Variants in WWOX observed in about 807,000 individuals in gnomAD.
WWOX encodes WW domain-containing oxidoreductase.
A neutral mutation model predicts 46.2 loss-of-function variants in WWOX; 69 were observed. The ratio of observed to expected loss-of-function variants is 1.49; its 90% CI spans 1.23 to 1.82. WWOX has a LOEUF of 1.82. WWOX is among the 40% of genes most tolerant of loss of function. The pLI, the probability that WWOX is intolerant of heterozygous loss-of-function variation, is 0.00. For synonymous variants in WWOX, 359 were observed against 202.6 expected (o/e 1.77, Z -6.56); for missense variants, 919 against 542.6 (o/e 1.69, Z -6.89).
At chr16:78,438,891 T>C (rs1283238719) in intron 8 of WWOX, among the ~76,000 whole-genome samples, 2 of 152,136 alleles carry the variant, frequency 1.3e-5, no homozygotes, top group East Asian at 3.9e-4. Context: ...ATGTCATTCT[T>C]CTAACCTTCG....
chr16:78,192,066 G>A (rs930818521), intron 5 of WWOX, among the ~76,000 whole-genome samples: 2 of 151,624 alleles, frequency 1.3e-5, no homozygotes, highest in Admixed American at 6.6e-5. Context: ...TATAAAAGAG[G>A]GACAAAAATA....
chr16:78,702,666 CA>C (rs59090960), intron 8 of WWOX, among the ~76,000 whole-genome samples: 109 of 134,372 alleles, frequency 8.1e-4, no homozygotes, highest in East Asian at 8.7e-4. Flanking sequence ...AAAAAAAGAA[CA>C]AAAAAAAAAA....
At chr16:78,354,109 G>C (rs1338377641) in intron 5 of WWOX, among the ~76,000 whole-genome samples, 1 of 152,166 alleles carries the variant, frequency 6.6e-6, no homozygotes, top group African/African-American at 2.4e-5. Flanking sequence ...GTTTGCAGTA[G>C]TTCCAGTGGG....
intron 8 of WWOX, among the ~76,000 whole-genome samples, chr16:78,594,293 C>G (rs947762785): frequency 6.6e-6 from 1 of 152,078 alleles, no homozygotes; most frequent in Non-Finnish European, 1.5e-5. Flanking sequence ...CCTGACATTT[C>G]CGTAGACTGT....
At chr16:78,853,635 G>T (rs1001857965) in intron 8 of WWOX, among the ~76,000 whole-genome samples, 1 of 151,994 alleles carries the variant, frequency 6.6e-6, no homozygotes, top group African/African-American at 2.4e-5. Flanking sequence ...GTAGTACTTC[G>T]CCTTTCCCTG....
intron 8 of WWOX, among the ~76,000 whole-genome samples, chr16:79,151,824 G>C (rs922473535): frequency 1.3e-5 from 2 of 152,208 alleles, no homozygotes; most frequent in African/African-American, 2.4e-5. Context: ...TCCAGCCCCA[G>C]TGTTGAAGTT....
intron 6 of WWOX, among the ~76,000 whole-genome samples, chr16:78,412,091 G>T (rs1450071449): frequency 1.3e-5 from 2 of 152,154 alleles, no homozygotes; most frequent in Admixed American, 6.5e-5. Flanking sequence ...TCCAGAGGTA[G>T]TGCCTACCTC....
intron 8 of WWOX, among the ~76,000 whole-genome samples, chr16:78,690,006 G>T (rs1287747475): frequency 6.6e-6 from 1 of 151,924 alleles, no homozygotes; most frequent in South Asian, 2.1e-4. Flanking sequence ...GATTACAGGT[G>T]CCCGCCCCCA....
chr16:78,806,259 C>A (rs924972055), intron 8 of WWOX, among the ~76,000 whole-genome samples: 7 of 152,062 alleles, frequency 4.6e-5, no homozygotes, highest in African/African-American at 1.4e-4. Flanking sequence ...ATTTTCTGGC[C>A]ATTTGGATAT....
At chr16:78,278,768 C>A in intron 5 of WWOX, 2 of 1,014,766 alleles carry the variant, frequency 2.0e-6, no homozygotes, top group Middle Eastern at 2.6e-4. Flanking sequence ...ATCTGACAGA[C>A]ATGTACGATT....
intron 8 of WWOX, among the ~76,000 whole-genome samples, chr16:79,039,416 C>T (rs1396514120): frequency 6.6e-6 from 1 of 152,138 alleles, no homozygotes; most frequent in African/African-American, 2.4e-5. Flanking sequence ...ACAGAACAGC[C>T]AAGCCCTGGA....
chr16:79,210,868 A>G (rs1267433698), intron 8 of WWOX, among the ~76,000 whole-genome samples: 1 of 152,070 alleles, frequency 6.6e-6, no homozygotes, highest in African/African-American at 2.4e-5. Context: ...GATCAGCTGC[A>G]CTCTTTGCAA....
At chr16:79,185,073 T>C (rs1444404808) in intron 8 of WWOX, among the ~76,000 whole-genome samples, 1 of 152,208 alleles carries the variant, frequency 6.6e-6, no homozygotes, top group Non-Finnish European at 1.5e-5. Context: ...ATTTGAGAGG[T>C]CTTGAGATAA....
intron 8 of WWOX, among the ~76,000 whole-genome samples, chr16:78,848,575 C>A (rs2052359810): frequency 6.6e-6 from 1 of 152,094 alleles, no homozygotes; most frequent in Admixed American, 6.5e-5. Flanking sequence ...GGAACCTGGC[C>A]TGGTGTTGGG....
chr16:78,866,062 G>C (rs1321201545), intron 8 of WWOX, among the ~76,000 whole-genome samples: 6 of 152,170 alleles, frequency 3.9e-5, no homozygotes, highest in African/African-American at 7.2e-5. Context: ...TTGCTCCAAG[G>C]TGCAGATTCT....
chr16:78,404,254 G>T (rs771232145), intron 6 of WWOX, among the ~76,000 whole-genome samples: 1 of 152,080 alleles, frequency 6.6e-6, no homozygotes, highest in Non-Finnish European at 1.5e-5. Flanking sequence ...GAAAGATGCT[G>T]GGAGATTTCA....
chr16:78,520,958 G>T (rs757224634), intron 8 of WWOX, among the ~76,000 whole-genome samples: 4 of 152,242 alleles, frequency 2.6e-5, no homozygotes, highest in Non-Finnish European at 5.9e-5. Context: ...GGGGTCAGGG[G>T]TGCTGGTCAC....
intron 8 of WWOX, among the ~76,000 whole-genome samples, chr16:79,160,884 CACATAT>C (rs10539804): frequency 0.6 from 90,734 of 151,354 alleles, 28,293 homozygotes; most frequent in East Asian, 0.89. Context: ...TGTGTACATA[CACATAT>C]ACATATACAC....
chr16:78,909,322 A>C (rs992591964), intron 8 of WWOX, among the ~76,000 whole-genome samples: 1 of 152,196 alleles, frequency 6.6e-6, no homozygotes, highest in Non-Finnish European at 1.5e-5. Flanking sequence ...GAATTTTAGA[A>C]TCCAGATCCG....
Sources: allele counts gnomAD v4.1 joint callset (sites outside exome capture counted in the v4.1 genomes callset), GRCh38; gene constraint gnomAD v4.1.1; transcripts MANE v1.5; gene names NCBI Gene and HGNC (gene_info 2026-07-23, HGNC 2026-07-21).